SCARA3: variants seen among roughly 807,000 people sequenced by gnomAD.
SCARA3 encodes the protein cellular stress response gene protein.
In SCARA3, 39 loss-of-function variants were observed where a neutral mutation model predicts 47.0. The ratio of observed to expected loss-of-function variants is 0.83; its 90% CI spans 0.64 to 1.08. SCARA3 has a LOEUF of 1.08. Among genes scored for constraint, SCARA3 ranks in the 50% least tolerant of loss-of-function variants. The pLI is 0.00. For synonymous variants in SCARA3, 356 were observed against 334.1 expected (o/e 1.07, Z -0.71); for missense variants, 724 against 792.3 (o/e 0.91, Z 1.04).
At chr8:27,699,459 C>T in the SCARA3 span, among the ~76,000 whole-genome samples, 1 of 152,040 alleles carries the variant, frequency 6.6e-6, no homozygotes, top group Non-Finnish European at 1.5e-5. Context: ...CCCACCTCAG[C>T]TTCATGAGTT....
At chr8:27,675,192 C>T (rs1407813274), downstream of SCARA3, among the ~76,000 whole-genome samples, 7 of 152,188 alleles carry the variant, frequency 4.6e-5, no homozygotes, top group East Asian at 1.9e-4. Context: ...AGCCTTCTGC[C>T]GTCCCTCCAA....
downstream of SCARA3, among the ~76,000 whole-genome samples, chr8:27,680,883 T>C (rs548440286): frequency 2.6e-5 from 4 of 152,280 alleles, no homozygotes; most frequent in South Asian, 8.3e-4. Context: ...TGTACAGAGT[T>C]AAGGAGAAAA....
In SCARA3 at chr8:27,671,641, T is replaced by A; in HGVS notation, c.*290T>A. The A allele has an allele frequency of 8.9e-7, 1 of 1,129,314 alleles. No homozygotes were observed. The allele number at this position is 1,129,314 out of a possible 1,614,324, so 70.0% of individuals were successfully genotyped here. A position where few individuals can be genotyped will look rare whatever the true frequency, so the allele number is the denominator to read the frequency against. The stretch of plus-strand genomic sequence containing the variant: ...GCACACATACACAGGCATACATGCA[T>A]GCACACACACATGCACGCACACACA... On this transcript the variant is annotated 3_prime_UTR_variant, in exon 6 of 6. Transcript: ENST00000301904.
chr8:27,651,375 G>A, intron 2 of SCARA3, 133 bp from the exon 3 acceptor site: 11 of 1,077,554 alleles, frequency 1.0e-5, no homozygotes, highest in Non-Finnish European at 1.4e-5. Flanking sequence ...AGAGAATGAG[G>A]GTCGAGAACA....
intron 1 of SCARA3, 28 bp from the exon 2 acceptor site, chr8:27,649,674 G>T: frequency 6.2e-7 from 1 of 1,606,798 alleles, no homozygotes; most frequent in Non-Finnish European, 8.5e-7. Context: ...GGATGGCTTT[G>T]GGTCTGACGG....
intron 5 of SCARA3, among the ~76,000 whole-genome samples, chr8:27,661,079 G>C (rs1437639039): frequency 6.6e-6 from 1 of 152,010 alleles, no homozygotes; most frequent in Non-Finnish European, 1.5e-5. Context: ...GCCTGCTCAC[G>C]CCAGGGAGGG....
Position 27,660,383 on chromosome 8 carries a change from GAATA to G in SCARA3, c.1369+849_1369+852del, listed in dbSNP as rs759827855. Among the ~76,000 whole-genome samples the G allele has an allele frequency of 1.9e-3, 284 of 152,020 alleles. 1 individual carries two copies. The highest frequency in any genetic ancestry group is 3.0e-3 in the Non-Finnish European group (207 of 67,976). On this transcript the variant is annotated intron_variant, in intron 5 of 5. Transcript: ENST00000301904. ...ATAGGTAGATAGATCCAGAGAAACA[GAATA>G]AATAGTGTATAGATAGATGGATATA...
chr8:27,691,029 C>T, the SCARA3 span, among the ~76,000 whole-genome samples: 26 of 151,996 alleles, frequency 1.7e-4, no homozygotes, highest in Non-Finnish European at 3.2e-4. Flanking sequence ...TGAAAAGATC[C>T]GTAAAAGCCT....
chr8:27,699,812 C>G, the SCARA3 span, among the ~76,000 whole-genome samples: 1 of 152,048 alleles, frequency 6.6e-6, no homozygotes, highest in African/African-American at 2.4e-5. Flanking sequence ...AAGACTTACT[C>G]TAAAGCAGCA....
intron 5 of SCARA3, among the ~76,000 whole-genome samples, chr8:27,670,019 G>A (rs1802109020): frequency 6.6e-6 from 1 of 152,072 alleles, no homozygotes; most frequent in Non-Finnish European, 1.5e-5. Context: ...TAGCCAGAAG[G>A]ACATGAGGTC....
chr8:27,657,388 G>C (rs1207379276), intron 4 of SCARA3, among the ~76,000 whole-genome samples: 3 of 149,902 alleles, frequency 2.0e-5, no homozygotes, highest in Admixed American at 6.7e-5. Context: ...GCGTGACACT[G>C]AGGTTTGGGG....
At chr8:27,668,691 C>T (rs1786614539) in intron 5 of SCARA3, among the ~76,000 whole-genome samples, 1 of 152,136 alleles carries the variant, frequency 6.6e-6, no homozygotes. Flanking sequence ...GAAACCCCAT[C>T]TCTGCCAAAA....
chr8:27,681,207 C>G (rs181831579), downstream of SCARA3, among the ~76,000 whole-genome samples: 5 of 152,224 alleles, frequency 3.3e-5, no homozygotes, highest in East Asian at 7.7e-4. Context: ...AAAATAATCT[C>G]TACTTACAAA....
chr8:27,664,296 G>A (rs1015642218), intron 5 of SCARA3, among the ~76,000 whole-genome samples: 4 of 152,188 alleles, frequency 2.6e-5, no homozygotes, highest in Non-Finnish European at 4.4e-5. Flanking sequence ...TAAGAACAAA[G>A]GCAATTTAAA....
At position 27,672,440 on chromosome 8, in the gene SCARA3, A is replaced by C. The variant is rs1207036493; in HGVS notation, c.*1089A>C. 1.0e-6 allele frequency: 1 copy of C among 985,392 alleles called. No individual in the cohort carries two copies. Among genetic ancestry groups the C allele is most frequent in the Non-Finnish European group, 1.2e-6 (1 of 830,024 alleles). 61.0% of individuals were successfully genotyped at this position (985,392 alleles called of 1,614,324 possible). ...TGAGGCTGGCCTGCCCCATTCCCCA[A>C]GGGGGCTCCTCTGGAGTGGTGGGGA... On this transcript the variant is annotated 3_prime_UTR_variant, in exon 6 of 6. Transcript: ENST00000301904.
the SCARA3 span, among the ~76,000 whole-genome samples, chr8:27,699,295 A>G: frequency 0.49 from 73,568 of 150,558 alleles, 18,225 homozygotes; most frequent in Middle Eastern, 0.62. Context: ...ATTCTTTTAC[A>G]TATCCTACAC....
chr8:27,664,119 G>T (rs571124), intron 5 of SCARA3, among the ~76,000 whole-genome samples: 27 of 152,160 alleles, frequency 1.8e-4, no homozygotes, highest in Admixed American at 1.4e-3. Context: ...AATTTTCATC[G>T]AATTTATTTC....
the SCARA3 span, among the ~76,000 whole-genome samples, chr8:27,727,610 G>GAT: frequency 1.3e-5 from 2 of 152,226 alleles, no homozygotes; most frequent in Non-Finnish European, 2.9e-5. Flanking sequence ...CCGAGCCAGA[G>GAT]CTCTCCAGAG....
chr8:27,719,197 A>C, the SCARA3 span, among the ~76,000 whole-genome samples: 1 of 152,204 alleles, frequency 6.6e-6, no homozygotes, highest in Non-Finnish European at 1.5e-5. Flanking sequence ...TATTACACAG[A>C]CACAAAAAAG....
Sources: gnomAD v4.1 joint callset for allele counts (sites outside exome capture counted in the v4.1 genomes callset) on GRCh38, gnomAD v4.1.1 for gene constraint, MANE v1.5 for transcripts, NCBI Gene and HGNC (gene_info 2026-07-23, HGNC 2026-07-21) for gene names.